KIRREL1: variants seen among roughly 807,000 people sequenced by gnomAD.
The protein encoded by KIRREL1 is kirre like nephrin family adhesion molecule 1, also known as kin of IRRE-like protein 1.
In KIRREL1, 25 loss-of-function variants were observed where a neutral mutation model predicts 83.3. That is an observed-to-expected ratio of 0.30 (90% CI 0.22 to 0.42). KIRREL1 has a LOEUF of 0.42. Ranked by LOEUF, KIRREL1 falls within the 10% of genes least tolerant of loss-of-function variation. The pLI is 1.00. For synonymous variants in KIRREL1, 388 were observed against 410.4 expected (o/e 0.95, Z 0.66); for missense variants, 812 against 1,032.3 (o/e 0.79, Z 2.92).
At chr1:158,047,581 A>G (rs1660807977) in intron 1 of KIRREL1, among the ~76,000 whole-genome samples, 1 of 152,192 alleles carries the variant, frequency 6.6e-6, no homozygotes, top group Non-Finnish European at 1.5e-5. Context: ...TACCTGATAT[A>G]TGGGCGGTGC....
chr1:158,094,361 A>T lies in KIRREL1; in HGVS notation c.1768A>T (p.Ile590Phe). 2 of 1,607,488 alleles carry T rather than the reference A, an allele frequency of 1.2e-6. No individual in the cohort carries two copies. The highest frequency in any genetic ancestry group is 2.3e-5 in the East Asian group (1 of 44,396). Residue 590 changes from isoleucine (I) to phenylalanine (F), a missense_variant, in exon 14 of 15, where the codon ATC (isoleucine) becomes TTC (phenylalanine). This residue lies in a region of KIRREL1 where 334 missense variants were observed against 383.7 expected (regional missense o/e 0.87). Transcript: ENST00000359209. The surrounding 1 kb of genome is among the most constrained non-coding windows in gnomAD (Gnocchi z 4.6). Reference sequence around the variant, plus strand: ...GAAGCAGGACCTGCGCTGCGACACCATCGACACCCGGGAGGAGTATGAGAT... The same window carrying T: ...GAAGCAGGACCTGCGCTGCGACACCTTCGACACCCGGGAGGAGTATGAGAT... Reference protein sequence around the residue: ...DLKQDLRCDTIDTREEYEMKD... With the variant: ...DLKQDLRCDTFDTREEYEMKD...
chr1:158,080,337 C>CATTATA (rs1661813108), intron 3 of KIRREL1, among the ~76,000 whole-genome samples: 1 of 152,066 alleles, frequency 6.6e-6, no homozygotes, highest in Non-Finnish European at 1.5e-5. Flanking sequence ...GTTGCAGTAA[C>CATTATA]AATGTCTTAT....
chr1:158,076,362 C>T, intron 2 of KIRREL1, 100 bp downstream of exon 2: 2 of 1,059,748 alleles, frequency 1.9e-6, no homozygotes, highest in South Asian at 1.4e-5. Context: ...AGTTCCCTCA[C>T]CACCCTCCTC....
rs1335468452 is a variant in KIRREL1 at position 158,088,641 on chromosome 1, C to T, written c.1044+187C>T. ...CTGGGACTACAGGCGCCCGCTACCACGCCCGGCTAATTTTTTGTATTTTTA... is the reference window on the plus strand; with the variant it reads ...CTGGGACTACAGGCGCCCGCTACCATGCCCGGCTAATTTTTTGTATTTTTA... On this transcript the variant is annotated intron_variant, in intron 8 of 14. Coordinates refer to ENST00000359209, the MANE Select transcript of KIRREL1 (RefSeq NM_018240.7). 5.9e-5 allele frequency among the ~76,000 whole-genome samples: 9 copies of T among 151,384 alleles called. 1 individual carries two copies. The highest frequency in any genetic ancestry group is 1.9e-4 in the East Asian group (1 of 5,156).
At chr1:157,996,970 T>C (rs1659223029) in intron 1 of KIRREL1, among the ~76,000 whole-genome samples, 1 of 152,240 alleles carries the variant, frequency 6.6e-6, no homozygotes, top group Admixed American at 6.5e-5. Flanking sequence ...GTTCTGGCTC[T>C]GCCTTTGGCG....
chr1:158,095,081 C>T lies in KIRREL1; in HGVS notation c.2235C>T (p.Tyr745=), dbSNP rs370865476. The change falls in exon 15 of 15, where the codon TAC becomes TAT. Residue 745 remains tyrosine (Y), a synonymous_variant. Transcript: ENST00000359209. ...RFSYTSQHSD[Y]GQRFQQRMQT... The stretch of plus-strand genomic sequence containing the variant: ...CCTACACCTCCCAGCACTCGGACTA[C>T]GGCCAGCGATTCCAGCAGCGCATGC... 83 of 1,609,400 alleles carry T rather than the reference C, an allele frequency of 5.2e-5. No homozygotes were observed. Among genetic ancestry groups the T allele is most frequent in the African/African-American group, 4.8e-4 (36 of 74,882 alleles).
intron 1 of KIRREL1, among the ~76,000 whole-genome samples, chr1:158,064,470 A>G (rs916728334): frequency 4.6e-5 from 7 of 152,208 alleles, no homozygotes; most frequent in Admixed American, 2.0e-4. Flanking sequence ...GTAAGAAGAA[A>G]ATTTATGGTG....
At position 158,093,896 on chromosome 1, in the gene KIRREL1, C is replaced by T. The variant is rs1008784988; in HGVS notation, c.1719+134C>T. 4 of 913,604 alleles carry T rather than the reference C, an allele frequency of 4.4e-6. No individual in the cohort carries two copies. The African/African-American group carries it at 6.6e-5, about 15-fold the overall frequency. The allele number at this position is 913,604 out of a possible 1,614,324, so 56.6% of individuals were successfully genotyped here. ...TCCCTGGTCCTGCCACACACACTCTCCCACACTCACACACATTCTCTCACA... is the reference window on the plus strand; with the variant it reads ...TCCCTGGTCCTGCCACACACACTCTTCCACACTCACACACATTCTCTCACA... On this transcript the variant is annotated intron_variant, in intron 13 of 14. Transcript: ENST00000359209.
chr1:158,057,227 G>T (rs920294805), intron 1 of KIRREL1, among the ~76,000 whole-genome samples: 3 of 152,096 alleles, frequency 2.0e-5, no homozygotes, highest in African/African-American at 4.8e-5. Context: ...TTTATTTGGG[G>T]TTTGGGGACA....
intron 1 of KIRREL1, among the ~76,000 whole-genome samples, chr1:157,998,528 T>C (rs531542523): frequency 6.6e-6 from 1 of 152,348 alleles, no homozygotes; most frequent in South Asian, 2.1e-4. Flanking sequence ...ACAGCCTTGT[T>C]ACAGGTCCAT....
chr1:158,079,408 C>T (rs1432712673), intron 3 of KIRREL1, among the ~76,000 whole-genome samples: 2 of 152,182 alleles, frequency 1.3e-5, no homozygotes, highest in East Asian at 3.9e-4. Context: ...TAATCTCCAC[C>T]TCCCGGGTTC....
At chr1:158,090,003 T>C (rs931008254) in intron 10 of KIRREL1, among the ~76,000 whole-genome samples, 185 bp downstream of exon 10, 1 of 152,176 alleles carries the variant, frequency 6.6e-6, no homozygotes, top group African/African-American at 2.4e-5. Context: ...TTACTTGTTA[T>C]GTGTCCCTGA....
At chr1:158,052,877 C>T (rs1156286121) in intron 1 of KIRREL1, among the ~76,000 whole-genome samples, 1 of 152,102 alleles carries the variant, frequency 6.6e-6, no homozygotes, top group African/African-American at 2.4e-5. Flanking sequence ...AGCTTTTACT[C>T]ATGGCAGAAG....
rs1166961471 is a variant in KIRREL1, at chr1:158,095,087, G to A, written c.2241G>A (p.Gln747=). The A allele has an allele frequency of 6.2e-7, 1 of 1,608,392 alleles. No homozygotes were observed. Among genetic ancestry groups the A allele is most frequent in the African/African-American group, 1.3e-5 (1 of 74,976 alleles). The change falls in exon 15 of 15, where the codon CAG becomes CAA. Residue 747 remains glutamine (Q), a synonymous_variant. Transcript: ENST00000359209. ...CCTCCCAGCACTCGGACTACGGCCA[G>A]CGATTCCAGCAGCGCATGCAGACTC... is the stretch of plus-strand genomic sequence containing the variant. ...SYTSQHSDYG[Q]RFQQRMQTHV
intron 1 of KIRREL1, among the ~76,000 whole-genome samples, chr1:158,044,243 G>A (rs1660714944): frequency 6.6e-6 from 1 of 152,140 alleles, no homozygotes; most frequent in Admixed American, 6.5e-5. Context: ...AGAAGGAGGT[G>A]AGCCCCCTTC....
At chr1:158,088,926 C>T (rs1002831821) in intron 8 of KIRREL1, among the ~76,000 whole-genome samples, 1 of 151,962 alleles carries the variant, frequency 6.6e-6, no homozygotes. Context: ...ATCCCCACAT[C>T]TTCTCACAGG....
At chr1:158,060,261 C>T (rs1216206939) in intron 1 of KIRREL1, among the ~76,000 whole-genome samples, 1 of 152,174 alleles carries the variant, frequency 6.6e-6, no homozygotes, top group Non-Finnish European at 1.5e-5. Context: ...TCTTTCACAG[C>T]TCACATTCTG....
At chr1:158,044,021 A>G (rs947655378) in intron 1 of KIRREL1, among the ~76,000 whole-genome samples, 13 of 152,234 alleles carry the variant, frequency 8.5e-5, no homozygotes, top group Non-Finnish European at 1.5e-4. Flanking sequence ...AATCCACATA[A>G]AAGAACAAGC....
At chr1:158,039,628 T>A (rs1487994500) in intron 1 of KIRREL1, among the ~76,000 whole-genome samples, 2 of 152,246 alleles carry the variant, frequency 1.3e-5, no homozygotes, top group Non-Finnish European at 2.9e-5. Flanking sequence ...TCATGCCAAT[T>A]GTTCCTGAAC....
Sources: allele counts gnomAD v4.1 joint callset (sites outside exome capture counted in the v4.1 genomes callset), GRCh38; gene constraint gnomAD v4.1.1; regional missense constraint gnomAD v4.1.1; non-coding constraint Gnocchi (gnomAD v3.1); transcripts MANE v1.5; gene names NCBI Gene and HGNC (gene_info 2026-07-23, HGNC 2026-07-21).